The following ZYG11A variants were observed in gnomAD, a reference collection of about 807,000 sequenced individuals.
The protein encoded by ZYG11A is protein zyg-11 homolog A.
A neutral mutation model predicts 77.2 loss-of-function variants in ZYG11A; 62 were observed. The ratio of observed to expected loss-of-function variants is 0.80; its 90% confidence interval spans 0.65 to 0.99. The LOEUF (loss-of-function observed/expected upper bound fraction) is 0.99. ZYG11A is among the 50% of genes least tolerant of loss of function. ZYG11A has a pLI of 0.00. For synonymous variants in ZYG11A, 315 were observed against 324.6 expected, an observed-to-expected ratio of 0.97 and a Z score of 0.32; for missense variants, 828 against 896.8, an observed-to-expected ratio of 0.92 and a Z score of 0.98.
chr1:52,869,498 C>A (rs1262712263), intron 8 of ZYG11A, among the ~76,000 whole-genome samples: 1 of 151,640 alleles, frequency 6.6e-6, no homozygotes, highest in Non-Finnish European at 1.5e-5. Context: ...CATCTTGCAC[C>A]GCCCTTAATC....
chr1:52,886,328 G>T (rs1646450201), intron 12 of ZYG11A, among the ~76,000 whole-genome samples: 1 of 152,076 alleles, frequency 6.6e-6, no homozygotes, highest in Non-Finnish European at 1.5e-5. Flanking sequence ...CTCTGATATT[G>T]GGAAAGTCAT....
At position 52,889,952 on chromosome 1, in the gene ZYG11A, A is replaced by T. The variant is rs182526914; in HGVS notation, c.2105-2830A>T. 2.6e-5 allele frequency among the ~76,000 whole-genome samples: 4 copies of T among 151,374 alleles called. No homozygotes were observed. In the East Asian group the frequency reaches 7.8e-4, roughly 30 times the overall value. On this transcript the variant is annotated intron_variant, in intron 13 of 13. Transcript: ENST00000371528. ...ATGGTCTCGATCTCCGGACCTCATG[A>T]TCCACCCGCCTTGGCCTCCCAAAGT...
At chr1:52,850,744 A>G (rs529561629) in intron 1 of ZYG11A, among the ~76,000 whole-genome samples, 5 of 152,188 alleles carry the variant, frequency 3.3e-5, no homozygotes, top group African/African-American at 9.6e-5. Context: ...ATGAGCCACT[A>G]TGTCTGGCCT....
intron 8 of ZYG11A, among the ~76,000 whole-genome samples, chr1:52,869,566 G>A (rs1409283660): frequency 1.3e-5 from 2 of 151,832 alleles, no homozygotes; most frequent in Non-Finnish European, 2.9e-5. Flanking sequence ...TGGGGGTAAG[G>A]TCATAGATCA....
chr1:52,864,852 C>T (rs488366), intron 5 of ZYG11A, among the ~76,000 whole-genome samples: 73,261 of 150,124 alleles, frequency 0.49, 19,029 homozygotes, highest in Non-Finnish European at 0.59. Context: ...TGGGTTTCAC[C>T]GTGTTAGCCA....
chr1:52,857,749 GGTTT>G lies in ZYG11A; in HGVS notation c.1008+4_1008+7del. On this transcript the variant is annotated splice_donor_variant and splice_donor_region_variant and intron_variant, in intron 3 of 13. Transcript: ENST00000371528. LOFTEE classifies it high-confidence loss of function. ...TCTTTACTACAAAGCAAGGCTTGAG[GGTTT>G]GTTCTTATCTGAATAAGTTTTGTTT... The G allele has an allele frequency of 6.5e-7, 1 of 1,538,866 alleles. No homozygotes were observed. The highest frequency in any genetic ancestry group is 8.8e-7 in the Non-Finnish European group (1 of 1,141,712).
chr1:52,846,340 A>T (rs1217076497), intron 1 of ZYG11A, among the ~76,000 whole-genome samples: 3,703 of 31,544 alleles, frequency 0.12, 253 homozygotes, highest in South Asian at 0.18. Flanking sequence ...ATATATATAT[A>T]TATATATATA....
chr1:52,884,493 C>CAA (rs533428837), intron 11 of ZYG11A, among the ~76,000 whole-genome samples: 213 of 98,870 alleles, frequency 2.2e-3, no homozygotes, highest in Non-Finnish European at 2.7e-3. Flanking sequence ...GAGACTGCCT[C>CAA]AAAAAAAAAA....
chr1:52,867,810 T>TA (rs773880667), intron 8 of ZYG11A, 33 bp downstream of exon 8: 22 of 1,521,258 alleles, frequency 1.4e-5, no homozygotes, highest in Non-Finnish European at 1.9e-5. Flanking sequence ...AACCTTTTTT[T>TA]AAAAAAAGTC....
rs563226937 is a variant in ZYG11A, at chr1:52,874,717, A to C, written c.1543-2965A>C. 4.6e-5 allele frequency among the ~76,000 whole-genome samples: 7 copies of C among 152,076 alleles called. No homozygotes were observed. The South Asian group carries it at 1.5e-3, about 32-fold the overall frequency. The stretch of plus-strand genomic sequence containing the variant: ...CCCCATCTCTACTAAAAATACAAAA[A>C]TTAGCCGGGTGGGGTGGCACGAGCC... On this transcript the variant is annotated intron_variant, in intron 8 of 13. Coordinates refer to ENST00000371528, the MANE Select transcript of ZYG11A (RefSeq NM_001004339.3).
intron 3 of ZYG11A, 104 bp downstream of exon 3, chr1:52,857,853 T>TA (rs1289664573): frequency 1.2e-5 from 12 of 969,306 alleles, no homozygotes; most frequent in African/African-American, 6.6e-5. Context: ...CAGAGACAGA[T>TA]AAAAAAATCC....
chr1:52,854,755 C>G, intron 2 of ZYG11A, 125 bp downstream of exon 2: 1 of 1,014,672 alleles, frequency 9.9e-7, no homozygotes. Flanking sequence ...GAAGTTGAGA[C>G]TCACTCTTTC....
rs955384860 is a variant in ZYG11A, at chr1:52,856,958, A to T, written c.257-40A>T. Reference sequence around the variant, plus strand: ...ACATTTTATCCTGGAAAGACATGAGATCTAGTTGTCATTACAAGTTGGTTC... The same window carrying T: ...ACATTTTATCCTGGAAAGACATGAGTTCTAGTTGTCATTACAAGTTGGTTC... On this transcript the variant is annotated intron_variant, in intron 2 of 13. Coordinates refer to ENST00000371528, the MANE Select transcript of ZYG11A (RefSeq NM_001004339.3). 2.4e-5 allele frequency: 35 copies of T among 1,485,926 alleles called. No individual in the cohort carries two copies. The African/African-American group carries it at 4.5e-4, about 19-fold the overall frequency. The allele number at this position is 1,485,926 out of a possible 1,614,324, so 92.0% of individuals were successfully genotyped here.
In ZYG11A at chr1:52,877,822, A is replaced by G. The variant is rs1255794530; in HGVS notation, c.1683A>G (p.Gln561=). 1.3e-6 allele frequency: 2 copies of G among 1,551,448 alleles called. No individual in the cohort carries two copies. The highest frequency in any genetic ancestry group is 1.4e-5 in the African/African-American group (1 of 73,054). Residue 561 remains glutamine (Q), a synonymous_variant, in exon 9 of 14, where the codon CAA becomes CAG. Coordinates refer to ENST00000371528, the MANE Select transcript of ZYG11A (RefSeq NM_001004339.3). ...CKHFIENQGL[Q]IFIQVLETFS... is the part of the protein sequence containing the mutation. ...ACTTCATTGAAAATCAAGGATTGCA[A>G]ATCTTCATCCAAGTCTTGGAGGTGG...
intron 1 of ZYG11A, among the ~76,000 whole-genome samples, chr1:52,850,936 T>C (rs1193438531): frequency 1.3e-5 from 2 of 152,240 alleles, no homozygotes; most frequent in Admixed American, 1.3e-4. Flanking sequence ...GATTTGTTTC[T>C]ATTGACTTTT....
At chr1:52,859,240 T>C (rs771001669) in intron 3 of ZYG11A, among the ~76,000 whole-genome samples, 1 of 152,074 alleles carries the variant, frequency 6.6e-6, no homozygotes, top group Non-Finnish European at 1.5e-5. Context: ...CGATCTTGGC[T>C]CACCACCAAG....
rs1489570764 is a variant in ZYG11A at position 52,865,356 on chromosome 1, G to C, written c.1327-1147G>C. On this transcript the variant is annotated intron_variant, in intron 5 of 13. Transcript: ENST00000371528. ...TCAGAGTATATAAAGAACTCAACTT[G>C]TTAATACAGTACAAATCAGTTATAA... Among the ~76,000 whole-genome samples, 3 of 152,228 alleles carry C rather than the reference G, an allele frequency of 2.0e-5. No homozygotes were observed. In the East Asian group the frequency reaches 5.8e-4, roughly 29 times the overall value.
chr1:52,876,717 T>G (rs908329274), intron 8 of ZYG11A, among the ~76,000 whole-genome samples: 7 of 152,206 alleles, frequency 4.6e-5, no homozygotes, highest in Non-Finnish European at 8.8e-5. Context: ...CTCTCACAGA[T>G]TTATTTTTGT....
rs556076521 is a variant in ZYG11A, at chr1:52,881,466, T to G, written c.1750-5T>G. On this transcript the variant is annotated splice_region_variant and splice_polypyrimidine_tract_variant and intron_variant, in intron 10 of 13. Transcript: ENST00000371528. Reference sequence around the variant, plus strand: ...CTGGGGTTCTCTGCTCCATCTGACCTGTAGAACAACATAGCAGAAGTCAGA... The same window carrying G: ...CTGGGGTTCTCTGCTCCATCTGACCGGTAGAACAACATAGCAGAAGTCAGA... 1.9e-6 allele frequency: 3 copies of G among 1,543,218 alleles called. No individual in the cohort carries two copies. The highest frequency in any genetic ancestry group is 2.6e-6 in the Non-Finnish European group (3 of 1,142,456).
Sources: allele counts gnomAD v4.1 joint callset (sites outside exome capture counted in the v4.1 genomes callset), GRCh38; gene constraint gnomAD v4.1.1; transcripts MANE v1.5; gene names NCBI Gene and HGNC (gene_info 2026-07-23, HGNC 2026-07-21).